Variants in CLTB observed in about 807,000 individuals in gnomAD.
The protein encoded by CLTB is clathrin, light chain (Lcb).
CLTB carries 10 observed loss-of-function variants against 30.5 expected under a neutral mutation model. That is an observed-to-expected ratio of 0.33 (90% CI 0.20 to 0.56). The LOEUF (loss-of-function observed/expected upper bound fraction) is 0.56. Ranked by LOEUF, CLTB falls within the 20% of genes least tolerant of loss-of-function variation. The pLI, the probability that CLTB is intolerant of heterozygous loss-of-function variation, is 0.91. For synonymous variants in CLTB, 102 were observed against 120.3 expected (o/e 0.85, Z 1.00); for missense variants, 261 against 308.3 (o/e 0.85, Z 1.15).
Position 176,392,603 on chromosome 5 carries a change from G to T in CLTB, c.*171C>A. On this transcript the variant is annotated 3_prime_UTR_variant, in exon 6 of 6. Transcript: ENST00000310418. This position sits in a 1 kb window ranked among gnomAD's most constrained non-coding sequence, Gnocchi z 5.2. ...GTGAGGGGCTGGACCAGAGGGCCAG[G>T]AGGGAGCGAGGCGTGATGGGGTGAG... The T allele has an allele frequency of 1.5e-6, 1 of 662,786 alleles. No individual in the cohort carries two copies. The highest frequency in any genetic ancestry group is 2.6e-6 in the Non-Finnish European group (1 of 388,286). The allele number at this position is 662,786 out of a possible 1,614,324, so 41.1% of individuals were successfully genotyped here. A position where few individuals can be genotyped will look rare whatever the true frequency, so the allele number is the denominator to read the frequency against.
rs146103002 is a variant in CLTB, at chr5:176,414,642, C to T, written c.187+1535G>A. ...ATGTTTTGTAGAGATGGGGTTTCAC[C>T]ATGTTGCCCAGGCTCCACAGCATTT... is the stretch of plus-strand genomic sequence containing the variant. On this transcript the variant is annotated intron_variant, in intron 1 of 5. Coordinates refer to ENST00000310418, the MANE Select transcript of CLTB (RefSeq NM_007097.5). 3.8e-3 allele frequency among the ~76,000 whole-genome samples: 580 copies of T among 152,164 alleles called. 1 individual carries two copies. Among genetic ancestry groups the T allele is most frequent in the Middle Eastern group, 0.017 (5 of 294 alleles).
intron 2 of CLTB, among the ~76,000 whole-genome samples, chr5:176,398,924 C>A (rs1756680003): frequency 6.6e-6 from 1 of 151,712 alleles, no homozygotes; most frequent in South Asian, 2.1e-4. Flanking sequence ...TTCACTGCAA[C>A]CTCTGCCTCC....
In CLTB at chr5:176,416,482, G is replaced by T; in HGVS notation, c.-119C>A. 1 of 885,602 alleles carries T rather than the reference G, an allele frequency of 1.1e-6. No homozygotes were observed. The highest frequency in any genetic ancestry group is 1.5e-6 in the Non-Finnish European group (1 of 671,186). The allele number at this position is 885,602 out of a possible 1,614,324, so 54.9% of individuals were successfully genotyped here. On this transcript the variant is annotated 5_prime_UTR_variant, in exon 1 of 6. Coordinates refer to ENST00000310418, the MANE Select transcript of CLTB (RefSeq NM_007097.5). ...CCGCGGGGGAGCCGGCGTCGGCGGG[G>T]ACGGGCTTGGCGCGGACCGCACTTC... is the stretch of plus-strand genomic sequence containing the variant.
intron 1 of CLTB, 86 bp downstream of exon 1, chr5:176,416,091 G>T: frequency 3.9e-6 from 5 of 1,293,912 alleles, no homozygotes; most frequent in Non-Finnish European, 5.1e-6. Flanking sequence ...GCCTAGAGCA[G>T]GCTCTCTTCC....
chr5:176,402,805 TAA>T (rs1337759778), intron 2 of CLTB, among the ~76,000 whole-genome samples: 1 of 151,978 alleles, frequency 6.6e-6, no homozygotes, highest in African/African-American at 2.4e-5. Context: ...ACAGTTCAGA[TAA>T]AGAGAGTGGG....
intron 2 of CLTB, among the ~76,000 whole-genome samples, chr5:176,410,003 C>A (rs746845054): frequency 7.2e-5 from 11 of 152,174 alleles, no homozygotes; most frequent in Non-Finnish European, 1.6e-4. Flanking sequence ...ACCTCTCCCT[C>A]CCAAAACCAG....
At position 176,410,247 on chromosome 5, in the gene CLTB, C is replaced by G. The variant is rs145176190; in HGVS notation, c.234+10G>C. 84 of 1,613,634 alleles carry G rather than the reference C, an allele frequency of 5.2e-5. No homozygotes were observed. Among genetic ancestry groups the G allele is most frequent in the Non-Finnish European group, 6.8e-5 (80 of 1,179,630 alleles). The stretch of plus-strand genomic sequence containing the variant: ...GGTCCTTACCACTGCTGAGACAGAG[C>G]CTTGCTTACCTGAAACACATCTCCA... On this transcript the variant is annotated intron_variant, in intron 2 of 5. Transcript: ENST00000310418.
chr5:176,401,814 A>G (rs1245578743), intron 2 of CLTB: 6 of 454,674 alleles, frequency 1.3e-5, no homozygotes, highest in Non-Finnish European at 2.7e-5. Flanking sequence ...TTCGTCCTTG[A>G]TTTCTCCTTC....
intron 5 of CLTB, among the ~76,000 whole-genome samples, 154 bp downstream of exon 5, chr5:176,396,325 G>A (rs1756518813): frequency 6.6e-6 from 1 of 152,164 alleles, no homozygotes; most frequent in African/African-American, 2.4e-5. Context: ...GGAGGTGGTT[G>A]CTGCCTGCAC....
intron 2 of CLTB, among the ~76,000 whole-genome samples, chr5:176,408,998 T>TA (rs1179891955): frequency 3.9e-5 from 6 of 152,102 alleles, no homozygotes; most frequent in Non-Finnish European, 8.8e-5. Flanking sequence ...TTTTTTGAGA[T>TA]AGAGTTTTGC....
intron 2 of CLTB, among the ~76,000 whole-genome samples, chr5:176,407,174 G>T (rs1478355713): frequency 6.6e-6 from 1 of 152,168 alleles, no homozygotes; most frequent in Non-Finnish European, 1.5e-5. Flanking sequence ...GGGAGAAGGC[G>T]GGGGGCCAAG....
intron 2 of CLTB, among the ~76,000 whole-genome samples, chr5:176,403,712 A>G (rs939149907): frequency 6.7e-6 from 1 of 150,090 alleles, no homozygotes; most frequent in Non-Finnish European, 1.5e-5. Flanking sequence ...TCAGCCTCCC[A>G]AAGTGCTGGG....
chr5:176,397,685 C>A lies in CLTB; in HGVS notation c.386G>T (p.Arg129Leu), dbSNP rs768189915. The A allele has an allele frequency of 6.2e-7, 1 of 1,613,892 alleles. No homozygotes were observed. The highest frequency in any genetic ancestry group is 1.3e-5 in the African/African-American group (1 of 74,910). Residue 129 changes from arginine to leucine, a missense_variant, in exon 4 of 6, where the codon CGG becomes CTG. Around this residue, in one of 3 missense-constraint regions of CLTB, gnomAD observed 123 missense variants for 157.0 expected, o/e 0.78. Transcript: ENST00000310418. Reference sequence around the variant, plus strand: ...CTCCAGGTCCTTCTTGGCCTTCTCCCGCCATTCCTGTTCCGTGACCTTAGA... The same window carrying A: ...CTCCAGGTCCTTCTTGGCCTTCTCCAGCCATTCCTGTTCCGTGACCTTAGA... The part of the protein sequence containing the change: ...AASKVTEQEW[R>L]EKAKKDLEEW...
chr5:176,411,901 G>A (rs757120741), intron 1 of CLTB, among the ~76,000 whole-genome samples: 1 of 152,028 alleles, frequency 6.6e-6, no homozygotes, highest in African/African-American at 2.4e-5. Flanking sequence ...TTTGGGCCGG[G>A]CGTGGTGGCT....
intron 2 of CLTB, among the ~76,000 whole-genome samples, chr5:176,403,761 G>A (rs1376102481): frequency 7.0e-6 from 1 of 143,722 alleles, no homozygotes; most frequent in Non-Finnish European, 1.5e-5. Flanking sequence ...CTGTTTTTGT[G>A]TGTGTGTGTT....
chr5:176,406,107 C>A, intron 2 of CLTB: 1 of 973,024 alleles, frequency 1.0e-6, no homozygotes, highest in Non-Finnish European at 1.2e-6. Flanking sequence ...CCACCCCTAC[C>A]CTTGCCAGTG....
chr5:176,398,777 C>T (rs1302946853), intron 2 of CLTB, among the ~76,000 whole-genome samples: 2 of 152,038 alleles, frequency 1.3e-5, no homozygotes, highest in Non-Finnish European at 2.9e-5. Context: ...CCTTGTGTTA[C>T]CGTCATTAAA....
chr5:176,397,876 ACT>A lies in CLTB; in HGVS notation c.352+52_352+53del, dbSNP rs924543132. 5 of 1,521,342 alleles carry A rather than the reference ACT, an allele frequency of 3.3e-6. No individual in the cohort carries two copies. The Admixed American group carries it at 8.4e-5, about 25-fold the overall frequency. The allele number at this position is 1,521,342 out of a possible 1,614,324, so 94.2% of individuals were successfully genotyped here. ...CCCATGCACTCCGAGGACTCCCCAC[ACT>A]CCACCCCACACACAGCCCACCCAGC... On this transcript the variant is annotated intron_variant, in intron 3 of 5. Coordinates refer to ENST00000310418, the MANE Select transcript of CLTB (RefSeq NM_007097.5).
At position 176,392,735 on chromosome 5, in the gene CLTB, G is replaced by GCCCAGC. The variant is rs1019650291; in HGVS notation, c.*33_*38dup. 6.2e-7 allele frequency: 1 copy of GCCCAGC among 1,608,522 alleles called. No homozygotes were observed. Among genetic ancestry groups the GCCCAGC allele is most frequent in the African/African-American group, 1.3e-5 (1 of 74,822 alleles). On this transcript the variant is annotated 3_prime_UTR_variant, in exon 6 of 6. Coordinates refer to ENST00000310418, the MANE Select transcript of CLTB (RefSeq NM_007097.5). This position sits in a 1 kb window ranked among gnomAD's most constrained non-coding sequence, Gnocchi z 5.2. The stretch of plus-strand genomic sequence containing the variant: ...AAGCAGCTGCTCCTCCTGTGCCCAG[G>GCCCAGC]CCCAGCCCATGCTCTGTGGCCATGC...
Sources: gnomAD v4.1 joint callset for allele counts (sites outside exome capture counted in the v4.1 genomes callset) on GRCh38, gnomAD v4.1.1 for gene constraint, gnomAD v4.1.1 regional missense constraint, Gnocchi (gnomAD v3.1) non-coding constraint, MANE v1.5 for transcripts, NCBI Gene and HGNC (gene_info 2026-07-23, HGNC 2026-07-21) for gene names.